The following DRC11 variants were observed in gnomAD, a reference collection of about 807,000 sequenced individuals.
DRC11 encodes dynein regulatory complex subunit 11.
chr2:236,353,469 A>G, the DRC11 span, among the ~76,000 whole-genome samples: 1 of 152,206 alleles, frequency 6.6e-6, no homozygotes. The surrounding 1 kb of genome is among the most constrained non-coding windows in gnomAD (Gnocchi z 5.0). Context: ...TAATGGCTCA[A>G]TTAAAACCTG....
the DRC11 span, chr2:236,465,617 C>A: frequency 2.5e-6 from 4 of 1,613,890 alleles, no homozygotes; most frequent in Non-Finnish European, 3.4e-6. This position sits in a 1 kb window ranked among gnomAD's most constrained non-coding sequence, Gnocchi z 6.2. Context: ...CTGTAGTCCT[C>A]TTCATGCTTT....
the DRC11 span, among the ~76,000 whole-genome samples, chr2:236,308,375 TTCACA>T: frequency 1.3e-5 from 2 of 152,390 alleles, no homozygotes; most frequent in Non-Finnish European, 2.9e-5. This position sits in a 1 kb window ranked among gnomAD's most constrained non-coding sequence, Gnocchi z 6.0. Context: ...ATTTTTATTC[TTCACA>T]TCACCTTCTG....
chr2:236,401,677 TCA>T, the DRC11 span, among the ~76,000 whole-genome samples: 1 of 150,436 alleles, frequency 6.6e-6, no homozygotes, highest in African/African-American at 2.5e-5. This position sits in a 1 kb window ranked among gnomAD's most constrained non-coding sequence, Gnocchi z 4.6. Context: ...CCAAAAGGCC[TCA>T]CAGTGTATGA....
the DRC11 span, among the ~76,000 whole-genome samples, chr2:236,491,142 G>GTA: frequency 5.8e-3 from 229 of 39,336 alleles, 16 homozygotes; most frequent in African/African-American, 0.025. Flanking sequence ...TATATATACA[G>GTA]TATATATATA....
At chr2:236,324,936 TG>T in the DRC11 span, among the ~76,000 whole-genome samples, 1 of 152,194 alleles carries the variant, frequency 6.6e-6, no homozygotes. The surrounding 1 kb of genome is among the most constrained non-coding windows in gnomAD (Gnocchi z 5.7). Flanking sequence ...TCTTTCTCAG[TG>T]GGTTTTCCAG....
At chr2:236,461,849 A>AG in the DRC11 span, among the ~76,000 whole-genome samples, 3 of 152,152 alleles carry the variant, frequency 2.0e-5, no homozygotes, top group African/African-American at 7.2e-5. This position sits in a 1 kb window ranked among gnomAD's most constrained non-coding sequence, Gnocchi z 4.0. Flanking sequence ...AACTGCCTGG[A>AG]GGAGCAAAGT....
the DRC11 span, among the ~76,000 whole-genome samples, chr2:236,320,047 A>C: frequency 1.3e-5 from 2 of 152,242 alleles, no homozygotes; most frequent in South Asian, 4.1e-4. Flanking sequence ...GTGCTCGGTG[A>C]AAGATTTGTA....
chr2:236,478,093 G>A, the DRC11 span, among the ~76,000 whole-genome samples: 48 of 151,488 alleles, frequency 3.2e-4, no homozygotes, highest in South Asian at 0.01. The surrounding 1 kb of genome is among the most constrained non-coding windows in gnomAD (Gnocchi z 5.9). Context: ...CACTAATTTT[G>A]GGTTTGATTT....
chr2:236,333,242 A>G, the DRC11 span: 1 of 151,768 alleles, frequency 6.6e-6, no homozygotes, highest in East Asian at 1.9e-4. This position sits in a 1 kb window ranked among gnomAD's most constrained non-coding sequence, Gnocchi z 6.0. Context: ...CCCTCATTAA[A>G]ACATCAATTA....
the DRC11 span, among the ~76,000 whole-genome samples, chr2:236,422,630 G>A: frequency 3.3e-5 from 5 of 152,144 alleles, no homozygotes; most frequent in Admixed American, 1.3e-4. Context: ...TACTGCCCAA[G>A]GTAATTTATA....
chr2:236,364,975 AG>A, the DRC11 span, among the ~76,000 whole-genome samples: 1 of 152,108 alleles, frequency 6.6e-6, no homozygotes, highest in Non-Finnish European at 1.5e-5. Context: ...TAACTCAATG[AG>A]CATGCCTTTT....
the DRC11 span, among the ~76,000 whole-genome samples, chr2:236,465,045 G>GC: frequency 0.011 from 1,708 of 152,206 alleles, 33 homozygotes; most frequent in African/African-American, 0.039. This position sits in a 1 kb window ranked among gnomAD's most constrained non-coding sequence, Gnocchi z 6.2. Context: ...TTATAGCAAT[G>GC]CAAGAACCAC....
At chr2:236,504,839 G>A in the DRC11 span, among the ~76,000 whole-genome samples, 5 of 152,238 alleles carry the variant, frequency 3.3e-5, no homozygotes, top group South Asian at 2.1e-4. The surrounding 1 kb of genome is among the most constrained non-coding windows in gnomAD (Gnocchi z 5.0). Context: ...CCTTGCTGCC[G>A]CCATGTGAAG....
chr2:236,496,620 G>A, the DRC11 span, among the ~76,000 whole-genome samples: 6 of 152,328 alleles, frequency 3.9e-5, no homozygotes, highest in Admixed American at 1.3e-4. This position sits in a 1 kb window ranked among gnomAD's most constrained non-coding sequence, Gnocchi z 6.3. Context: ...AGGGAAGGAA[G>A]GGAAGAGAAG....
chr2:236,462,602 C>T, the DRC11 span, among the ~76,000 whole-genome samples: 3 of 151,954 alleles, frequency 2.0e-5, no homozygotes, highest in Non-Finnish European at 2.9e-5. The surrounding 1 kb of genome is among the most constrained non-coding windows in gnomAD (Gnocchi z 6.4). Flanking sequence ...ACTTGGGCGG[C>T]GGAGGTTGCA....
At chr2:236,444,884 C>T in the DRC11 span, among the ~76,000 whole-genome samples, 2 of 152,238 alleles carry the variant, frequency 1.3e-5, no homozygotes, top group Non-Finnish European at 2.9e-5. Context: ...GTTGCCCTCA[C>T]GCAGCTCACA....
At chr2:236,463,826 A>G in the DRC11 span, among the ~76,000 whole-genome samples, 1,467 of 152,320 alleles carry the variant, frequency 9.6e-3, 33 homozygotes, top group African/African-American at 0.033. The surrounding 1 kb of genome is among the most constrained non-coding windows in gnomAD (Gnocchi z 5.0). Context: ...CTCTGCTTCA[A>G]GGTCTCTCAC....
chr2:236,347,850 T>C, the DRC11 span, among the ~76,000 whole-genome samples: 50 of 143,122 alleles, frequency 3.5e-4, no homozygotes, highest in African/African-American at 1.2e-3. Context: ...CCCAATAACT[T>C]ACGGCAAAAA....
the DRC11 span, among the ~76,000 whole-genome samples, chr2:236,500,207 C>G: frequency 2.0e-5 from 3 of 152,242 alleles, no homozygotes; most frequent in East Asian, 3.9e-4. The surrounding 1 kb of genome is among the most constrained non-coding windows in gnomAD (Gnocchi z 6.3). Context: ...CACAACAACC[C>G]TATGAGGTAG....
Sources: gnomAD v4.1 joint callset for allele counts (sites outside exome capture counted in the v4.1 genomes callset) on GRCh38, gnomAD v4.1.1 for gene constraint, Gnocchi (gnomAD v3.1) non-coding constraint, MANE v1.5 for transcripts, NCBI Gene and HGNC (gene_info 2026-07-23, HGNC 2026-07-21) for gene names.